Variants in TEX11 observed in about 807,000 individuals in gnomAD.
TEX11 encodes the protein testis expressed 11.
A neutral mutation model predicts 84.4 loss-of-function variants in TEX11; 7 were observed. That is an observed-to-expected ratio of 0.08 (90% CI 0.05 to 0.16). The LOEUF (loss-of-function observed/expected upper bound fraction) is 0.16. TEX11 is among the 10% of genes least tolerant of loss of function. The probability of loss-of-function intolerance (pLI) is 1.00; values close to 1 mark genes in which losing one functional copy is unlikely to be tolerated. For synonymous variants in TEX11, 264 were observed against 222.8 expected (o/e 1.18, Z -1.64); for missense variants, 551 against 660.5 (o/e 0.83, Z 1.82).
chrX:70,699,709 G>C (rs1041683602), intron 13 of TEX11, among the ~76,000 whole-genome samples: 1 of 111,459 alleles, frequency 9.0e-6, no homozygotes, highest in Non-Finnish European at 1.9e-5. Flanking sequence ...TAAACTGTTT[G>C]TCACCATGCA....
At chrX:70,630,313 GAAAAAA>G (rs367757066) in intron 17 of TEX11, among the ~76,000 whole-genome samples, 3 of 60,163 alleles carry the variant, frequency 5.0e-5, no homozygotes, top group Non-Finnish European at 9.8e-5. Flanking sequence ...CTCTGTCTCA[GAAAAAA>G]AAAAAAAAAA....
chrX:70,798,462 C>T (rs1239675540), intron 9 of TEX11, among the ~76,000 whole-genome samples: 2 of 111,951 alleles, frequency 1.8e-5, no homozygotes, highest in Admixed American at 1.9e-4. Flanking sequence ...ATGACAATGG[C>T]ATTTTCACAG....
Position 70,890,758 on chromosome X carries a change from A to G in TEX11, c.38-10649T>C, listed in dbSNP as rs58938287. 4.0e-3 allele frequency among the ~76,000 whole-genome samples: 446 copies of G among 111,772 alleles called. 2 individuals carry two copies. Among genetic ancestry groups the G allele is most frequent in the African/African-American group, 9.6e-3 (296 of 30,785 alleles). On this transcript the variant is annotated intron_variant, in intron 2 of 29. Coordinates refer to ENST00000374333, the MANE Select transcript of TEX11 (RefSeq NM_031276.3). Reference sequence around the variant, plus strand: ...TCAGCAAGGCTGGCTGCCTCTGTAGACTCCACCTCTGGGGGCAGGGCAGAG... The same window carrying G: ...TCAGCAAGGCTGGCTGCCTCTGTAGGCTCCACCTCTGGGGGCAGGGCAGAG...
At chrX:70,549,382 GC>G (rs751964774) in intron 28 of TEX11, among the ~76,000 whole-genome samples, 8 of 111,133 alleles carry the variant, frequency 7.2e-5, no homozygotes, top group Non-Finnish European at 1.5e-4. Context: ...CTTGAGAAAA[GC>G]AGAGGGAAGA....
At chrX:70,537,541 A>C (rs1203136581) in intron 28 of TEX11, among the ~76,000 whole-genome samples, 2 of 109,255 alleles carry the variant, frequency 1.8e-5, no homozygotes, top group Non-Finnish European at 3.8e-5. Context: ...AGAAGGAAGG[A>C]AGCAAATAAA....
intron 9 of TEX11, among the ~76,000 whole-genome samples, chrX:70,797,142 A>G (rs1021776489): frequency 1.6e-4 from 18 of 112,003 alleles, no homozygotes; most frequent in South Asian, 7.5e-4. Flanking sequence ...AAATTGTTGT[A>G]CCAAAAAGAC....
At chrX:70,529,484 G>A (rs1201256199) in intron 29 of TEX11, among the ~76,000 whole-genome samples, 1 of 112,296 alleles carries the variant, frequency 8.9e-6, no homozygotes, top group East Asian at 2.8e-4. Context: ...AGTTCCTGGA[G>A]AAAATGCCTT....
At chrX:70,706,160 G>A (rs2147691196) in intron 13 of TEX11, among the ~76,000 whole-genome samples, 1 of 111,033 alleles carries the variant, frequency 9.0e-6, no homozygotes, top group African/African-American at 3.3e-5. Context: ...CCTTTGTAGG[G>A]ACAAAGATGA....
intron 9 of TEX11, among the ~76,000 whole-genome samples, chrX:70,748,802 C>T (rs1304890788): frequency 1.1e-5 from 1 of 93,714 alleles, no homozygotes; most frequent in Non-Finnish European, 2.1e-5. Flanking sequence ...GTACCAGTAC[C>T]ATGCTGTTTT....
chrX:70,904,512 T>G (rs748809171), intron 2 of TEX11, among the ~76,000 whole-genome samples: 51 of 112,329 alleles, frequency 4.5e-4, no homozygotes, highest in Non-Finnish European at 8.4e-4. Context: ...ATTGTAAAAT[T>G]TTAAAAGTCT....
intron 25 of TEX11, among the ~76,000 whole-genome samples, chrX:70,586,395 G>A (rs2088853504): frequency 8.9e-6 from 1 of 111,932 alleles, no homozygotes; most frequent in Admixed American, 9.5e-5. Flanking sequence ...AAACATGCAG[G>A]AGAAAATATT....
intron 13 of TEX11, among the ~76,000 whole-genome samples, chrX:70,701,807 C>T: frequency 9.0e-6 from 1 of 111,361 alleles, no homozygotes; most frequent in Middle Eastern, 4.6e-3. Flanking sequence ...AAGTTGACTC[C>T]AGTCGTCAAG....
At chrX:70,572,667 A>T (rs1236284093) in intron 25 of TEX11, among the ~76,000 whole-genome samples, 18 of 110,455 alleles carry the variant, frequency 1.6e-4, no homozygotes, top group Admixed American at 2.9e-4. Context: ...AATACTATGC[A>T]GCCATAAAAA....
Position 70,867,233 on chromosome X carries a change from A to G in TEX11, c.244+5990T>C, listed in dbSNP as rs1289962848. 2.7e-5 allele frequency among the ~76,000 whole-genome samples: 3 copies of G among 111,378 alleles called. No homozygotes were observed. The Admixed American group carries it at 2.9e-4, about 11-fold the overall frequency. ...AAGCATTCCCATACACCAATAATAG[A>G]CAAGCAGACAGCCAAATCATGAGTG... On this transcript the variant is annotated intron_variant, in intron 4 of 29. Transcript: ENST00000374333.
chrX:70,862,202 A>C (rs746078703), intron 4 of TEX11, among the ~76,000 whole-genome samples: 16 of 112,139 alleles, frequency 1.4e-4, no homozygotes, highest in Non-Finnish European at 2.8e-4. Context: ...CTTAAAGTAT[A>C]ATTTAGAAGA....
chrX:70,520,048 C>A, the TEX11 span, among the ~76,000 whole-genome samples: 2 of 111,171 alleles, frequency 1.8e-5, no homozygotes, highest in Non-Finnish European at 3.8e-5. Context: ...AGCTTCCTTG[C>A]AATGGGTTCG....
intron 25 of TEX11, among the ~76,000 whole-genome samples, chrX:70,557,941 G>T (rs1569324402): frequency 9.0e-6 from 1 of 111,703 alleles, no homozygotes; most frequent in African/African-American, 3.3e-5. Flanking sequence ...TTGAGGTCAG[G>T]AGTTCGAGAC....
chrX:70,859,553 G>A (rs1216820695), intron 5 of TEX11, among the ~76,000 whole-genome samples: 1 of 87,863 alleles, frequency 1.1e-5, no homozygotes, highest in Non-Finnish European at 2.1e-5. Flanking sequence ...CTGCACTCCA[G>A]CCTGGGCAAC....
At chrX:70,554,878 A>G in intron 25 of TEX11, 78 bp from the exon 26 acceptor site, 2 of 947,544 alleles carry the variant, frequency 2.1e-6, no homozygotes, top group South Asian at 3.2e-5. Context: ...CACTAACTGG[A>G]GAGGTTTTCC....
Sources: gnomAD v4.1 joint callset for allele counts (sites outside exome capture counted in the v4.1 genomes callset) on GRCh38, gnomAD v4.1.1 for gene constraint, MANE v1.5 for transcripts, NCBI Gene and HGNC (gene_info 2026-07-23, HGNC 2026-07-21) for gene names.